Variants in RBFOX1 observed in about 807,000 individuals in gnomAD.
The protein encoded by RBFOX1 is RNA binding fox-1 homolog 1, also known as RNA binding protein fox-1 homolog 1.
In RBFOX1, 8 loss-of-function variants were observed where a neutral mutation model predicts 57.7. That is an observed-to-expected ratio of 0.14 (90% confidence interval 0.08 to 0.25). The LOEUF (loss-of-function observed/expected upper bound fraction) is 0.25. Among genes scored for constraint, RBFOX1 ranks in the 10% least tolerant of loss-of-function variants. The probability of loss-of-function intolerance (pLI) is 1.00; values close to 1 mark genes in which losing one functional copy is unlikely to be tolerated. For missense variants in RBFOX1, 611 were observed against 548.5 expected, an observed-to-expected ratio of 1.11 and a Z score of -1.14; for synonymous variants, 326 against 222.4, an observed-to-expected ratio of 1.47 and a Z score of -4.15.
intron 3 of RBFOX1, among the ~76,000 whole-genome samples, chr16:5,616,536 C>T (rs1395660308): frequency 1.3e-5 from 2 of 151,806 alleles, no homozygotes; most frequent in Non-Finnish European, 2.9e-5. Flanking sequence ...TGTCTGCCCT[C>T]TTCCCTTTCC....
At chr16:6,818,226 A>G (rs2090526734) in intron 3 of RBFOX1, among the ~76,000 whole-genome samples, 1 of 152,046 alleles carries the variant, frequency 6.6e-6, no homozygotes, top group African/African-American at 2.4e-5. Flanking sequence ...ACGAAATGTT[A>G]GCAGACATGA....
intron 3 of RBFOX1, among the ~76,000 whole-genome samples, chr16:5,647,693 C>G (rs1002744288): frequency 1.3e-5 from 2 of 152,268 alleles, no homozygotes; most frequent in Admixed American, 6.5e-5. Flanking sequence ...TAATCCGTAG[C>G]TTAACAATAA....
At chr16:6,302,808 A>G (rs2078975835) in intron 1 of RBFOX1, among the ~76,000 whole-genome samples, 1 of 152,206 alleles carries the variant, frequency 6.6e-6, no homozygotes, top group Admixed American at 6.5e-5. Context: ...GACTAAACTT[A>G]TGCCCCTTTT....
chr16:7,133,822 C>T (rs1030353014), intron 4 of RBFOX1, among the ~76,000 whole-genome samples: 4 of 152,026 alleles, frequency 2.6e-5, no homozygotes, highest in African/African-American at 7.2e-5. Context: ...TGCTGTCAGC[C>T]CTTTTGTACT....
chr16:6,391,961 G>T (rs1596501196), intron 2 of RBFOX1, among the ~76,000 whole-genome samples: 2 of 152,210 alleles, frequency 1.3e-5, no homozygotes, highest in East Asian at 3.9e-4. Context: ...AGGGAAGATT[G>T]CTCAGAGGCT....
intron 3 of RBFOX1, among the ~76,000 whole-genome samples, chr16:5,809,049 C>T (rs1042625366): frequency 6.6e-6 from 1 of 152,078 alleles, no homozygotes; most frequent in African/African-American, 2.4e-5. Context: ...CTTTGACAAA[C>T]CTGAGAAAAA....
chr16:7,290,723 A>C (rs1397586519), intron 4 of RBFOX1, among the ~76,000 whole-genome samples: 1 of 152,240 alleles, frequency 6.6e-6, no homozygotes, highest in Non-Finnish European at 1.5e-5. Flanking sequence ...CTCATGGGAC[A>C]TGTGCGTGTC....
At chr16:6,961,145 C>CAGACACACACACACACACACA in intron 3 of RBFOX1, among the ~76,000 whole-genome samples, 1 of 143,772 alleles carries the variant, frequency 7.0e-6, no homozygotes, top group East Asian at 2.0e-4. Context: ...TCACACACAC[C>CAGACACACACACACACACACA]CACACAGACA....
At chr16:5,857,918 G>A (rs1016224400) in intron 3 of RBFOX1, among the ~76,000 whole-genome samples, 13 of 152,112 alleles carry the variant, frequency 8.5e-5, no homozygotes, top group African/African-American at 3.1e-4. Flanking sequence ...CCGTACTCCA[G>A]CCTGGGTGAC....
At chr16:6,379,150 A>G (rs1269413313) in intron 2 of RBFOX1, among the ~76,000 whole-genome samples, 2 of 152,118 alleles carry the variant, frequency 1.3e-5, no homozygotes, top group Non-Finnish European at 2.9e-5. Flanking sequence ...GTTTGAGAAG[A>G]AAGATGCTGT....
At chr16:5,509,500 G>C (rs1175495277) in intron 2 of RBFOX1, among the ~76,000 whole-genome samples, 1 of 152,242 alleles carries the variant, frequency 6.6e-6, no homozygotes, top group African/African-American at 2.4e-5. Flanking sequence ...GGCAAAGTGA[G>C]CAAAGAGAGA....
chr16:6,110,772 A>G (rs2096437180), intron 1 of RBFOX1, among the ~76,000 whole-genome samples: 2 of 152,262 alleles, frequency 1.3e-5, no homozygotes, highest in Admixed American at 6.5e-5. Flanking sequence ...CCATGCCTTG[A>G]GACCTATTTC....
intron 1 of RBFOX1, among the ~76,000 whole-genome samples, chr16:6,316,594 G>C (rs1164042370): frequency 6.6e-6 from 1 of 152,158 alleles, no homozygotes; most frequent in Non-Finnish European, 1.5e-5. Flanking sequence ...TCAACCTCCA[G>C]TCTTACCTTG....
chr16:6,254,114 T>C (rs1466800286), intron 1 of RBFOX1, among the ~76,000 whole-genome samples: 4 of 152,126 alleles, frequency 2.6e-5, no homozygotes, highest in African/African-American at 4.8e-5. Context: ...GTTGCCTTCC[T>C]TGATGGAGGT....
intron 2 of RBFOX1, among the ~76,000 whole-genome samples, chr16:5,588,092 G>A (rs2046891768): frequency 6.6e-6 from 1 of 152,190 alleles, no homozygotes; most frequent in South Asian, 2.1e-4. Flanking sequence ...GATGCTGAGA[G>A]AAAGAAGCCA....
In RBFOX1 at chr16:5,533,360, A is replaced by G. The variant is rs75950063; in HGVS notation, c.259-65542A>G. On this transcript the variant is annotated intron_variant, in intron 2 of 2. Coordinates refer to the RBFOX1 transcript ENST00000585867. ...TCAAAAGGAAAGGTGCCCCCAATAA[A>G]TATTCCTGACGGCAGAGATAAGAAG... Among the ~76,000 whole-genome samples the G allele has an allele frequency of 4.0e-3, 608 of 152,276 alleles. 2 individuals are homozygous for G. Among genetic ancestry groups the G allele is most frequent in the Non-Finnish European group, 5.6e-3 (383 of 68,012 alleles).
intron 2 of RBFOX1, among the ~76,000 whole-genome samples, chr16:6,360,578 C>T: frequency 6.6e-6 from 1 of 152,134 alleles, no homozygotes; most frequent in East Asian, 1.9e-4. Context: ...CAGTCTCATC[C>T]AATATTATTA....
At chr16:6,796,274 C>G (rs1379136569) in intron 3 of RBFOX1, among the ~76,000 whole-genome samples, 1 of 152,148 alleles carries the variant, frequency 6.6e-6, no homozygotes, top group Non-Finnish European at 1.5e-5. Flanking sequence ...ATTCAGTCAA[C>G]TCTCACTGGG....
intron 4 of RBFOX1, among the ~76,000 whole-genome samples, chr16:5,980,293 C>T (rs1348950667): frequency 1.3e-5 from 2 of 152,214 alleles, no homozygotes; most frequent in Non-Finnish European, 2.9e-5. Context: ...TGTGACTAGG[C>T]CACAGCTTGC....
Sources: gnomAD v4.1 joint callset for allele counts (sites outside exome capture counted in the v4.1 genomes callset) on GRCh38, gnomAD v4.1.1 for gene constraint, MANE v1.5 for transcripts, NCBI Gene and HGNC (gene_info 2026-07-23, HGNC 2026-07-21) for gene names.